TPM1: variants seen among roughly 807,000 people sequenced by gnomAD.
TPM1 encodes tropomyosin alpha-1 chain.
A neutral mutation model predicts 42.9 loss-of-function variants in TPM1; 24 were observed. The observed-to-expected ratio is 0.56, with a 90% CI of 0.41 to 0.79. The LOEUF (loss-of-function observed/expected upper bound fraction) is 0.79. Ranked by LOEUF, TPM1 falls within the 30% of genes least tolerant of loss-of-function variation. The pLI, the probability that TPM1 is intolerant of heterozygous loss-of-function variation, is 0.00. For synonymous variants in TPM1, 136 were observed against 130.1 expected, an observed-to-expected ratio of 1.05 and a Z score of -0.31; for missense variants, 158 against 351.8, an observed-to-expected ratio of 0.45 and a Z score of 4.41.
chr15:63,048,285 G>A (rs1458804928), intron 2 of TPM1: 8 of 655,360 alleles, frequency 1.2e-5, no homozygotes, highest in Admixed American at 2.3e-5. Flanking sequence ...AGCGCGCCGG[G>A]AGCGCCTTTC....
intron 5 of TPM1, 72 bp downstream of exon 5, chr15:63,061,011 G>A: frequency 6.3e-7 from 1 of 1,578,780 alleles, no homozygotes; most frequent in Non-Finnish European, 8.7e-7. Context: ...ATGACCTTCT[G>A]GCAGCTGCAC....
chr15:63,067,255 AC>A (rs561341998), downstream of TPM1, among the ~76,000 whole-genome samples: 126 of 152,334 alleles, frequency 8.3e-4, no homozygotes, highest in African/African-American at 3.0e-3. Context: ...TAGAGGAAAT[AC>A]TTTTTTTTAA....
chr15:63,044,514 CT>C, intron 2 of TPM1: 1 of 524,844 alleles, frequency 1.9e-6, no homozygotes, highest in Non-Finnish European at 3.4e-6. Flanking sequence ...GCCAGGTTTT[CT>C]TCACTTTCTT....
chr15:63,059,901 A>C, intron 4 of TPM1: 1 of 388,924 alleles, frequency 2.6e-6, no homozygotes, highest in Non-Finnish European at 4.9e-6. Context: ...TAGCACTGCG[A>C]AGAAGGACCA....
chr15:63,062,153 A>G (rs1472228606), intron 6 of TPM1, 62 bp from the exon 7 acceptor site: 4 of 1,498,454 alleles, frequency 2.7e-6, no homozygotes, highest in Middle Eastern at 1.7e-4. Flanking sequence ...AGTTCTTTGC[A>G]TGAGAAGCCA....
chr15:63,065,258 T>C, intron 9 of TPM1: 1 of 987,386 alleles, frequency 1.0e-6, no homozygotes, highest in African/African-American at 1.7e-5. Context: ...ATTAAACTTT[T>C]TCTACTACTT....
chr15:63,053,625 CT>C (rs1430371143), intron 2 of TPM1, among the ~76,000 whole-genome samples: 1 of 151,152 alleles, frequency 6.6e-6, no homozygotes, highest in Admixed American at 6.6e-5. Flanking sequence ...TGCCCTCCCC[CT>C]TTGACCTCCT....
intron 8 of TPM1, chr15:63,062,891 T>C: frequency 6.7e-7 from 1 of 1,488,530 alleles, no homozygotes; most frequent in South Asian, 1.3e-5. Flanking sequence ...TCATGCTCAT[T>C]ACAAGTGTGG....
At position 63,050,404 on chromosome 15, in the gene TPM1, A is replaced by G. The variant is rs181349320; in HGVS notation, c.240+6252A>G. 8.5e-5 allele frequency among the ~76,000 whole-genome samples: 13 copies of G among 152,330 alleles called. No individual in the cohort carries two copies. The South Asian group carries it at 1.2e-3, about 15-fold the overall frequency. On this transcript the variant is annotated intron_variant, in intron 2 of 9. Transcript: ENST00000403994. ...AAGTCTGAGGTCTCCTCACCCTGCT[A>G]AGAAAGAGTATGTGTGACCCTATGC... is the stretch of plus-strand genomic sequence containing the variant.
At chr15:63,069,980 G>A (rs73440433), downstream of TPM1, 6,335 of 1,613,438 alleles carry the variant, frequency 3.9e-3, 229 homozygotes, top group African/African-American at 0.072. Context: ...AATTCTAGGC[G>A]TGGAGCCCAT....
At chr15:63,045,127 G>C (rs1279901725) in intron 2 of TPM1, 6 of 152,050 alleles carry the variant, frequency 3.9e-5, no homozygotes, top group Admixed American at 2.0e-4. Context: ...GAGCACCAGG[G>C]AAAGCTATGC....
At chr15:63,048,644 C>G in intron 2 of TPM1, 1 of 1,538,282 alleles carries the variant, frequency 6.5e-7, no homozygotes, top group Non-Finnish European at 8.7e-7. Flanking sequence ...AGGCGGACGC[C>G]GCTGAGGAGC....
chr15:63,069,405 G>A (rs1240705222), downstream of TPM1, among the ~76,000 whole-genome samples: 1 of 152,126 alleles, frequency 6.6e-6, no homozygotes, highest in Non-Finnish European at 1.5e-5. Flanking sequence ...GAGAGGAAAG[G>A]GGTTCTGGAA....
At chr15:63,043,942 T>C in intron 1 of TPM1, 85 bp from the exon 2 acceptor site, 1 of 1,562,884 alleles carries the variant, frequency 6.4e-7, no homozygotes, top group Non-Finnish European at 8.7e-7. Context: ...GTCCTTCTGG[T>C]TCTGTGCACC....
At chr15:63,058,999 GA>G (rs988450060) in intron 3 of TPM1, among the ~76,000 whole-genome samples, 6 of 152,272 alleles carry the variant, frequency 3.9e-5, no homozygotes, top group African/African-American at 1.4e-4. Flanking sequence ...TGAACCATAA[GA>G]AATTGCCATT....
chr15:63,060,170 G>A (rs2035423006), intron 4 of TPM1, among the ~76,000 whole-genome samples: 1 of 152,164 alleles, frequency 6.6e-6, no homozygotes, highest in African/African-American at 2.4e-5. Flanking sequence ...GCTCCTGGTC[G>A]TGTCCCCATG....
At chr15:63,068,331 T>C (rs1464353791), downstream of TPM1, among the ~76,000 whole-genome samples, 1 of 152,138 alleles carries the variant, frequency 6.6e-6, no homozygotes, top group Non-Finnish European at 1.5e-5. Context: ...AGAGAACCAT[T>C]CTGACTGGGA....
In TPM1 at chr15:63,065,994, TTCTC is replaced by T. The variant is rs886051321; in HGVS notation, c.*101_*104del. ...TTGTCTATTCTCCAGCTGACCCTGGTTCTCTCTCTTAGCATCCTGCCTTAGAGCC... is the reference window on the plus strand; with the variant it reads ...TTGTCTATTCTCCAGCTGACCCTGGTTCTCTTAGCATCCTGCCTTAGAGCC... On this transcript the variant is annotated 3_prime_UTR_variant, in exon 10 of 10. Coordinates refer to ENST00000403994, the MANE Select transcript of TPM1 (RefSeq NM_001018005.2). 3.8e-6 allele frequency: 6 copies of T among 1,567,934 alleles called. No homozygotes were observed. Among genetic ancestry groups the T allele is most frequent in the Non-Finnish European group, 5.2e-6 (6 of 1,156,138 alleles).
rs745788451 is a variant in TPM1, at chr15:63,060,956, C to A, written c.563+17C>A. The A allele has an allele frequency of 1.2e-6, 2 of 1,613,738 alleles. No individual in the cohort carries two copies. The highest frequency in any genetic ancestry group is 1.7e-6 in the Non-Finnish European group (2 of 1,179,970). On this transcript the variant is annotated intron_variant, in intron 5 of 9. Coordinates refer to ENST00000403994, the MANE Select transcript of TPM1 (RefSeq NM_001018005.2). ...CTCAGAAGGGTAAGCGGGCCCGGCG[C>A]CAGGAGGCCACGAATGGGGTGCTGC... is the stretch of plus-strand genomic sequence containing the variant.
Sources: gnomAD v4.1 joint callset for allele counts (sites outside exome capture counted in the v4.1 genomes callset) on GRCh38, gnomAD v4.1.1 for gene constraint, MANE v1.5 for transcripts, NCBI Gene and HGNC (gene_info 2026-07-23, HGNC 2026-07-21) for gene names.